LINC00632: variants seen among roughly 807,000 people sequenced by gnomAD.
LINC00632 encodes the protein ALDOA related specific transcript.
intron 3 of LINC00632, among the ~76,000 whole-genome samples, chrX:140,744,571 GGGGGGGGT>G (rs1341370877): frequency 5.8e-5 from 3 of 51,605 alleles, no homozygotes; most frequent in South Asian, 3.2e-3. Flanking sequence ...TTTTTTTGGG[GGGGGGGGT>G]GGGGGGAGGA....
chrX:140,784,278 T>C (rs1387812979), exon 5 of LINC00632: 1 of 1,207,748 alleles, frequency 8.3e-7, no homozygotes, highest in Non-Finnish European at 1.1e-6. Context: ...CAAAGGTACG[T>C]CTTCCAACAA....
At chrX:140,789,960 T>G (rs1234566090) in exon 5 of LINC00632, among the ~76,000 whole-genome samples, 46 of 111,883 alleles carry the variant, frequency 4.1e-4, no homozygotes, top group Non-Finnish European at 9.4e-5. Flanking sequence ...CATTTTAATC[T>G]TTTATAGTTT....
intron 2 of LINC00632, among the ~76,000 whole-genome samples, chrX:140,712,554 TGGCCG>T (rs1930540819): frequency 9.1e-6 from 1 of 109,787 alleles, no homozygotes; most frequent in South Asian, 4.0e-4. Flanking sequence ...AGCCTGTTGC[TGGCCG>T]TAGTCTCATG....
chrX:140,776,711 A>G (rs1931877457), exon 5 of LINC00632, among the ~76,000 whole-genome samples: 1 of 111,811 alleles, frequency 8.9e-6, no homozygotes, highest in Non-Finnish European at 1.9e-5. Flanking sequence ...AATTAGTTTA[A>G]CCACTGTGGA....
At chrX:140,790,848 A>G (rs1304785049) in exon 5 of LINC00632, among the ~76,000 whole-genome samples, 1 of 111,917 alleles carries the variant, frequency 8.9e-6, no homozygotes, top group African/African-American at 3.2e-5. Flanking sequence ...TCTTGTATCC[A>G]GGTATCATAT....
intron 3 of LINC00632, among the ~76,000 whole-genome samples, chrX:140,748,008 A>G (rs1031421382): frequency 2.7e-5 from 3 of 111,358 alleles, no homozygotes; most frequent in Non-Finnish European, 5.7e-5. Context: ...TTGTATTTTT[A>G]GTAGAGACGG....
chrX:140,729,980 G>T (rs1017380905), intron 2 of LINC00632, among the ~76,000 whole-genome samples: 1 of 105,827 alleles, frequency 9.4e-6, no homozygotes, highest in South Asian at 4.4e-4. Context: ...GGGTTCAAGC[G>T]ATTCTCCTGC....
At chrX:140,722,258 A>T (rs1245810705) in intron 2 of LINC00632, among the ~76,000 whole-genome samples, 9 of 109,901 alleles carry the variant, frequency 8.2e-5, no homozygotes, top group African/African-American at 3.0e-4. Flanking sequence ...TAATATATGA[A>T]TTCATCACAC....
At chrX:140,727,158 A>C (rs754024291) in intron 2 of LINC00632, among the ~76,000 whole-genome samples, 3 of 111,086 alleles carry the variant, frequency 2.7e-5, no homozygotes, top group Non-Finnish European at 5.7e-5. Context: ...ACACTCCACA[A>C]CATGCATATG....
intron 3 of LINC00632, among the ~76,000 whole-genome samples, chrX:140,743,802 C>T (rs750482377): frequency 8.0e-4 from 89 of 110,896 alleles, no homozygotes; most frequent in African/African-American, 2.8e-3. Flanking sequence ...AAAAGAAAGT[C>T]GAGAGGCTTT....
intron 2 of LINC00632, among the ~76,000 whole-genome samples, chrX:140,723,648 A>G: frequency 3.3e-5 from 1 of 30,017 alleles, no homozygotes; most frequent in Non-Finnish European, 6.2e-5. Flanking sequence ...CACATTCCAT[A>G]CACACACACA....
At chrX:140,718,474 G>A (rs1028858663) in intron 2 of LINC00632, among the ~76,000 whole-genome samples, 8 of 104,836 alleles carry the variant, frequency 7.6e-5, no homozygotes, top group African/African-American at 1.0e-4. Flanking sequence ...GTGCAGTGGC[G>A]TGATCTCGGC....
At chrX:140,723,452 C>CA (rs1930781754) in intron 2 of LINC00632, among the ~76,000 whole-genome samples, 4 of 9,438 alleles carry the variant, frequency 4.2e-4, no homozygotes, top group African/African-American at 6.2e-4. Context: ...CACACACATT[C>CA]CACACACACA....
rs146513731 is a variant in LINC00632, at chrX:140,717,685, T to C, written n.104+6029T>C. Among the ~76,000 whole-genome samples, 102 of 111,729 alleles carry C rather than the reference T, an allele frequency of 9.1e-4. No individual in the cohort carries two copies. In the East Asian group the frequency reaches 0.018, roughly 20 times the overall value. On this transcript the variant is annotated intron_variant and non_coding_transcript_variant, in intron 2 of 4. Coordinates refer to ENST00000648200, the Ensembl canonical transcript of LINC00632. ...TTGCTCTACAATGGTTAAAAGCTTA[T>C]ATTCAGGTCTCAGACTGTCTGAGTT...
chrX:140,746,624 G>A (rs1300023859), intron 3 of LINC00632, among the ~76,000 whole-genome samples: 1 of 112,168 alleles, frequency 8.9e-6, no homozygotes, highest in Non-Finnish European at 1.9e-5. Context: ...TTACAATCAT[G>A]TAATCAACAC....
At chrX:140,784,545 A>T (rs1338336300) in exon 5 of LINC00632, 1 of 537,186 alleles carries the variant, frequency 1.9e-6, no homozygotes, top group Admixed American at 3.6e-5. Flanking sequence ...CAGCATCTTC[A>T]TGTCTTCCAA....
exon 5 of LINC00632, chrX:140,784,285 A>G (rs766899894): frequency 4.1e-6 from 5 of 1,208,500 alleles, no homozygotes; most frequent in Non-Finnish European, 4.5e-6. Flanking sequence ...ACGTCTTCCA[A>G]CAAAGGTACG....
At chrX:140,755,431 C>A (rs1276695299) in intron 3 of LINC00632, among the ~76,000 whole-genome samples, 2 of 112,189 alleles carry the variant, frequency 1.8e-5, no homozygotes, top group East Asian at 5.6e-4. Context: ...CTGCCACTTA[C>A]TAGCTATATG....
intron 2 of LINC00632, among the ~76,000 whole-genome samples, chrX:140,716,995 T>C (rs1298467846): frequency 9.0e-6 from 1 of 110,803 alleles, no homozygotes; most frequent in Non-Finnish European, 1.9e-5. Context: ...CACAACATTT[T>C]TTTTTTTGAG....
Sources: gnomAD v4.1 joint callset for allele counts (sites outside exome capture counted in the v4.1 genomes callset) on GRCh38, gnomAD v4.1.1 for gene constraint, MANE v1.5 for transcripts, NCBI Gene and HGNC (gene_info 2026-07-23, HGNC 2026-07-21) for gene names.